Variants in RSU1 observed in about 807,000 individuals in gnomAD.
The protein encoded by RSU1 is rsu-1.
RSU1 carries 26 observed loss-of-function variants against 31.1 expected under a neutral mutation model. That is an observed-to-expected ratio of 0.84 (90% CI 0.61 to 1.16). The LOEUF (loss-of-function observed/expected upper bound fraction) is 1.16. RSU1 is among the 50% of genes most tolerant of loss of function. The pLI is 0.00. For synonymous variants in RSU1, 164 were observed against 136.3 expected (o/e 1.20, Z -1.41); for missense variants, 320 against 339.1 (o/e 0.94, Z 0.44).
At chr10:16,708,866 C>T (rs1051831177) in intron 7 of RSU1, among the ~76,000 whole-genome samples, 1 of 150,048 alleles carries the variant, frequency 6.7e-6, no homozygotes, top group Non-Finnish European at 1.5e-5. Flanking sequence ...ATTTCTTTTT[C>T]AGATAGTTAA....
intron 8 of RSU1, among the ~76,000 whole-genome samples, chr10:16,603,835 T>C (rs550531276): frequency 2.0e-5 from 3 of 152,034 alleles, no homozygotes; most frequent in Non-Finnish European, 4.4e-5. Flanking sequence ...TATATGTATG[T>C]GCTTGTAATA....
At chr10:16,757,381 AACAGCTG>A (rs1219885591) in intron 4 of RSU1, among the ~76,000 whole-genome samples, 2 of 152,156 alleles carry the variant, frequency 1.3e-5, no homozygotes. Flanking sequence ...CCTCACCAGA[AACAGCTG>A]ACAGCAGAGG....
chr10:16,633,536 C>T (rs1834290344), intron 8 of RSU1, among the ~76,000 whole-genome samples: 1 of 152,104 alleles, frequency 6.6e-6, no homozygotes, highest in African/African-American at 2.4e-5. Context: ...GGTTATTCAG[C>T]ACTGGTGTGG....
chr10:16,783,945 G>A (rs768634745), intron 2 of RSU1, among the ~76,000 whole-genome samples: 29 of 152,134 alleles, frequency 1.9e-4, no homozygotes, highest in Non-Finnish European at 4.0e-4. Flanking sequence ...ATAGGATCTG[G>A]TTGAGAATTC....
chr10:16,666,188 T>C (rs1834984515), intron 8 of RSU1, among the ~76,000 whole-genome samples: 1 of 152,190 alleles, frequency 6.6e-6, no homozygotes, highest in Admixed American at 6.5e-5. Flanking sequence ...TATACTAGAA[T>C]ACATTGATGA....
chr10:16,646,059 TATACACAC>T lies in RSU1; in HGVS notation c.731+48956_731+48963del, dbSNP rs1330680851. Reference sequence around the variant, plus strand: ...GTATATACATATATGTGTATATATATATACACACACACACACACACACACACACACATA... The same window carrying T: ...GTATATACATATATGTGTATATATATACACACACACACACACACACACATA... On this transcript the variant is annotated intron_variant, in intron 8 of 8. Transcript: ENST00000345264. 2.1e-3 allele frequency among the ~76,000 whole-genome samples: 65 copies of T among 31,462 alleles called. 10 individuals are homozygous for T. The highest frequency in any genetic ancestry group is 3.1e-3 in the Non-Finnish European group (48 of 15,250). The allele number at this position is 31,462 out of a possible 152,430, so 20.6% of individuals were successfully genotyped here. A position where few individuals can be genotyped will look rare whatever the true frequency, so the allele number is the denominator to read the frequency against.
intron 2 of RSU1, 56 bp downstream of exon 2, chr10:16,816,917 G>A: frequency 7.9e-7 from 1 of 1,272,732 alleles, no homozygotes; most frequent in African/African-American, 1.5e-5. Context: ...CAGTGAATTG[G>A]CAAACTTAGA....
intron 7 of RSU1, among the ~76,000 whole-genome samples, chr10:16,744,245 A>G (rs1010146765): frequency 1.3e-5 from 2 of 152,238 alleles, no homozygotes; most frequent in African/African-American, 4.8e-5. Flanking sequence ...TAAAGATTTC[A>G]AAAGATGGAT....
At chr10:16,646,087 C>T (rs149963496) in intron 8 of RSU1, among the ~76,000 whole-genome samples, 4 of 115,766 alleles carry the variant, frequency 3.5e-5, no homozygotes, top group Admixed American at 8.6e-5. Flanking sequence ...CACACACACA[C>T]ACATACATAT....
At chr10:16,695,517 T>C (rs1835656936) in intron 7 of RSU1, among the ~76,000 whole-genome samples, 3 of 152,204 alleles carry the variant, frequency 2.0e-5, no homozygotes, top group Admixed American at 2.0e-4. Flanking sequence ...CATCATGCCT[T>C]GTCCTGGCTG....
At chr10:16,720,312 T>C (rs1179879513) in intron 7 of RSU1, among the ~76,000 whole-genome samples, 1 of 152,150 alleles carries the variant, frequency 6.6e-6, no homozygotes, top group African/African-American at 2.4e-5. Flanking sequence ...TGGATAGCAA[T>C]GAACATCTAT....
intron 7 of RSU1, among the ~76,000 whole-genome samples, chr10:16,740,087 T>C (rs1368848382): frequency 6.6e-6 from 1 of 152,042 alleles, no homozygotes; most frequent in Non-Finnish European, 1.5e-5. Context: ...AGAAAAACTA[T>C]CAAATTTTAC....
intron 7 of RSU1, among the ~76,000 whole-genome samples, chr10:16,700,292 C>A (rs1233257103): frequency 6.6e-6 from 1 of 152,034 alleles, no homozygotes; most frequent in African/African-American, 2.4e-5. Context: ...AAAAGCCACG[C>A]TCTCTCATTC....
At chr10:16,597,148 A>G (rs1256296365) in intron 8 of RSU1, among the ~76,000 whole-genome samples, 1 of 152,224 alleles carries the variant, frequency 6.6e-6, no homozygotes, top group Non-Finnish European at 1.5e-5. Context: ...GAGGAGCAGT[A>G]GGAATTGAGA....
intron 8 of RSU1, among the ~76,000 whole-genome samples, chr10:16,647,785 G>A (rs1834599295): frequency 6.6e-6 from 1 of 152,118 alleles, no homozygotes; most frequent in Admixed American, 6.5e-5. Context: ...AAAAGCTACT[G>A]AAGTGCACAT....
intron 8 of RSU1, among the ~76,000 whole-genome samples, chr10:16,623,485 A>G (rs906309809): frequency 6.6e-6 from 1 of 152,234 alleles, no homozygotes; most frequent in African/African-American, 2.4e-5. Context: ...TAGTGCTGCA[A>G]CAAACACACG....
At chr10:16,730,126 G>A (rs768166780) in intron 7 of RSU1, among the ~76,000 whole-genome samples, 4 of 152,106 alleles carry the variant, frequency 2.6e-5, no homozygotes, top group Non-Finnish European at 4.4e-5. Context: ...AGGGCAAGAC[G>A]GAAGGGAGGT....
At chr10:16,683,190 T>A (rs968560612) in intron 8 of RSU1, among the ~76,000 whole-genome samples, 1 of 150,976 alleles carries the variant, frequency 6.6e-6, no homozygotes. Context: ...TGTGTTGTGG[T>A]AGGGGTGTGG....
intron 7 of RSU1, among the ~76,000 whole-genome samples, chr10:16,712,100 T>C (rs946171755): frequency 6.6e-6 from 1 of 152,206 alleles, no homozygotes; most frequent in South Asian, 2.1e-4. Context: ...TTTTTCTTTT[T>C]CCAGTTTTTG....
Sources: allele counts gnomAD v4.1 joint callset (sites outside exome capture counted in the v4.1 genomes callset), GRCh38; gene constraint gnomAD v4.1.1; transcripts MANE v1.5; gene names NCBI Gene and HGNC (gene_info 2026-07-23, HGNC 2026-07-21).